Variants in KSR1 observed in about 807,000 individuals in gnomAD.
KSR1 encodes kinase suppressor of ras 1, also known as kinase suppressor of ras.
Under a neutral mutation model 92.9 loss-of-function variants are expected in KSR1, and 35 were observed. That is an observed-to-expected ratio of 0.38 (90% confidence interval 0.29 to 0.50). The LOEUF (loss-of-function observed/expected upper bound fraction) is 0.50. Among genes scored for constraint, KSR1 ranks in the 20% least tolerant of loss-of-function variants. The pLI, the probability that KSR1 is intolerant of heterozygous loss-of-function variation, is 0.94. For synonymous variants in KSR1, 467 were observed against 472.6 expected, an observed-to-expected ratio of 0.99 and a Z score of 0.15; for missense variants, 972 against 1,158.5, an observed-to-expected ratio of 0.84 and a Z score of 2.34.
intron 1 of KSR1, among the ~76,000 whole-genome samples, chr17:27,486,806 A>G (rs113256050): frequency 0.034 from 5,171 of 152,214 alleles, 281 homozygotes; most frequent in African/African-American, 0.12. Flanking sequence ...AGAGCAGGCT[A>G]GATAACACGG....
At chr17:27,496,449 G>A (rs1307393359) in intron 1 of KSR1, among the ~76,000 whole-genome samples, 1 of 152,146 alleles carries the variant, frequency 6.6e-6, no homozygotes, top group Admixed American at 6.5e-5. Context: ...TCACCTTGCT[G>A]GCTGATTCTG....
chr17:27,558,533 C>T (rs571718054), intron 2 of KSR1, among the ~76,000 whole-genome samples: 1 of 151,922 alleles, frequency 6.6e-6, no homozygotes, highest in Non-Finnish European at 1.5e-5. Flanking sequence ...GATGAGAGCC[C>T]GTGCCCAGAA....
intron 1 of KSR1, among the ~76,000 whole-genome samples, chr17:27,522,383 C>T (rs1399609536): frequency 6.6e-6 from 1 of 152,188 alleles, no homozygotes; most frequent in African/African-American, 2.4e-5. Context: ...CCGCCCAGCT[C>T]GCCTTTGCAG....
chr17:27,570,434 A>G (rs981900378), intron 2 of KSR1, among the ~76,000 whole-genome samples: 12 of 152,128 alleles, frequency 7.9e-5, no homozygotes, highest in African/African-American at 1.4e-4. Context: ...CATGTGTAAT[A>G]AATGCTTATT....
intron 1 of KSR1, among the ~76,000 whole-genome samples, chr17:27,521,334 CTTTTTTTTTT>C (rs759201177): frequency 1.5e-5 from 2 of 134,948 alleles, no homozygotes; most frequent in Admixed American, 1.5e-4. Flanking sequence ...AAGGCCATTC[CTTTTTTTTTT>C]TTTTTTTTTG....
At chr17:27,478,098 A>G (rs1024861395) in intron 1 of KSR1, among the ~76,000 whole-genome samples, 7 of 152,234 alleles carry the variant, frequency 4.6e-5, no homozygotes, top group Admixed American at 2.0e-4. Context: ...AGACTATGTC[A>G]TGACCTTTTT....
intron 18 of KSR1, among the ~76,000 whole-genome samples, chr17:27,615,373 C>G (rs985805329): frequency 7.2e-5 from 11 of 152,214 alleles, no homozygotes; most frequent in Non-Finnish European, 8.8e-5. Flanking sequence ...ATTACATTTT[C>G]TTTGTGGGTC....
At chr17:27,572,963 G>A (rs1438527476) in intron 2 of KSR1, among the ~76,000 whole-genome samples, 3 of 152,188 alleles carry the variant, frequency 2.0e-5, no homozygotes, top group East Asian at 1.9e-4. Flanking sequence ...TGTAGAGTTG[G>A]GAGGTGGGGC....
At position 27,582,638 on chromosome 17, in the gene KSR1, G is replaced by C. The variant is rs762914508; in HGVS notation, c.521-8G>C. 1.2e-6 allele frequency: 2 copies of C among 1,600,152 alleles called. No homozygotes were observed. The highest frequency in any genetic ancestry group is 2.2e-5 in the South Asian group (2 of 89,204). Reference sequence around the variant, plus strand: ...TGACCATCTGTGACTCCACGTCTTGGTCCACAGGAGGGGAGCACAAGGAGG... The same window carrying C: ...TGACCATCTGTGACTCCACGTCTTGCTCCACAGGAGGGGAGCACAAGGAGG... On this transcript the variant is annotated splice_region_variant and splice_polypyrimidine_tract_variant and intron_variant, in intron 3 of 20. Transcript: ENST00000644974.
chr17:27,548,070 A>G (rs971095344), intron 1 of KSR1, among the ~76,000 whole-genome samples: 1 of 152,064 alleles, frequency 6.6e-6, no homozygotes, highest in African/African-American at 2.4e-5. Context: ...GATTTCCTTT[A>G]TAATTCGAAG....
chr17:27,519,333 G>A (rs2069926750), intron 1 of KSR1, among the ~76,000 whole-genome samples: 1 of 152,170 alleles, frequency 6.6e-6, no homozygotes, highest in Non-Finnish European at 1.5e-5. Context: ...GGGCCACATG[G>A]AGGTTGAATC....
chr17:27,581,567 C>T (rs1270177252), intron 3 of KSR1, among the ~76,000 whole-genome samples: 1 of 152,100 alleles, frequency 6.6e-6, no homozygotes, highest in East Asian at 1.9e-4. Flanking sequence ...TCATGTGGAG[C>T]TAGCTTCATA....
intron 6 of KSR1, among the ~76,000 whole-genome samples, chr17:27,590,471 T>C (rs562843728): frequency 5.1e-4 from 78 of 152,338 alleles, no homozygotes; most frequent in African/African-American, 1.8e-3. Flanking sequence ...TTGCAACACA[T>C]GTGGGCCTAT....
At position 27,605,674 on chromosome 17, in the gene KSR1, C is replaced by T. The variant is rs779767905; in HGVS notation, c.1855C>T (p.Leu619=). The change falls in exon 14 of 21, where the codon CTG becomes TTG. Residue 619 remains leucine, a synonymous_variant. Coordinates refer to ENST00000644974, the MANE Select transcript of KSR1 (RefSeq NM_001394583.1). Reference sequence around the variant, plus strand: ...GCATGGCGAGGTGGCCATTCGCCTGCTGGAGATGGACGGCCACAACCAGGA... The same window carrying T: ...GCATGGCGAGGTGGCCATTCGCCTGTTGGAGATGGACGGCCACAACCAGGA... ...RWHGEVAIRL[L]EMDGHNQDHL... is the part of the protein sequence containing the mutation. 1 of 1,612,650 alleles carries T rather than the reference C, an allele frequency of 6.2e-7. No homozygotes were observed. Among genetic ancestry groups the T allele is most frequent in the South Asian group, 1.1e-5 (1 of 91,000 alleles).
At chr17:27,563,261 C>A (rs757757528) in intron 2 of KSR1, among the ~76,000 whole-genome samples, 5 of 151,906 alleles carry the variant, frequency 3.3e-5, no homozygotes, top group Non-Finnish European at 7.4e-5. Flanking sequence ...TTCTCCTTTC[C>A]TGTTTCCTTT....
chr17:27,609,452 C>A, intron 16 of KSR1, 123 bp downstream of exon 16: 1 of 1,272,062 alleles, frequency 7.9e-7, no homozygotes, highest in Non-Finnish European at 1.1e-6. Flanking sequence ...AAGCCCAGGT[C>A]GCTTTGGTCC....
At chr17:27,492,273 C>T (rs2150963814) in intron 1 of KSR1, among the ~76,000 whole-genome samples, 1 of 152,274 alleles carries the variant, frequency 6.6e-6, no homozygotes, top group Non-Finnish European at 1.5e-5. Context: ...AGGCAGCCCA[C>T]CCAGCACATG....
intron 15 of KSR1, among the ~76,000 whole-genome samples, chr17:27,608,289 A>G (rs2073819055): frequency 6.6e-6 from 1 of 152,142 alleles, no homozygotes; most frequent in Admixed American, 6.5e-5. Flanking sequence ...TCCTGGTCAC[A>G]CCCTTTGTGT....
chr17:27,475,187 G>A (rs2068302977), intron 1 of KSR1, among the ~76,000 whole-genome samples: 1 of 152,208 alleles, frequency 6.6e-6, no homozygotes, highest in Admixed American at 6.5e-5. Context: ...GGGGCCAGGG[G>A]TGAGGCCACA....
Sources: gnomAD v4.1 joint callset for allele counts (sites outside exome capture counted in the v4.1 genomes callset) on GRCh38, gnomAD v4.1.1 for gene constraint, MANE v1.5 for transcripts, NCBI Gene and HGNC (gene_info 2026-07-23, HGNC 2026-07-21) for gene names.